The following UNC5D variants were observed in gnomAD, a reference collection of about 807,000 sequenced individuals.
UNC5D encodes netrin receptor UNC5D.
In UNC5D, 39 loss-of-function variants were observed where a neutral mutation model predicts 105.4. That is an observed-to-expected ratio of 0.37 (90% CI 0.29 to 0.48). The LOEUF is 0.48. Ranked by LOEUF, UNC5D falls within the 20% of genes least tolerant of loss-of-function variation. The pLI, the probability that UNC5D is intolerant of heterozygous loss-of-function variation, is 0.98. For synonymous variants in UNC5D, 452 were observed against 450.4 expected (o/e 1.00, Z -0.04); for missense variants, 991 against 1,202.4 (o/e 0.82, Z 2.60).
intron 1 of UNC5D, among the ~76,000 whole-genome samples, chr8:35,513,429 A>C (rs1343683062): frequency 6.6e-6 from 1 of 151,556 alleles, no homozygotes; most frequent in Non-Finnish European, 1.5e-5. Flanking sequence ...GGGTTTCATC[A>C]TGTTGGTCAG....
At chr8:35,561,377 T>C (rs542901249) in intron 2 of UNC5D, among the ~76,000 whole-genome samples, 1 of 152,298 alleles carries the variant, frequency 6.6e-6, no homozygotes, top group South Asian at 2.1e-4. Context: ...CCCCTACCAG[T>C]TCTGCCTCCT....
At chr8:35,413,292 T>TTGTGTG (rs1554525296) in intron 1 of UNC5D, among the ~76,000 whole-genome samples, 95 of 128,044 alleles carry the variant, frequency 7.4e-4, no homozygotes, top group African/African-American at 1.3e-3. Flanking sequence ...TGTGTGTGTG[T>TTGTGTG]TGTGTGTGTG....
intron 1 of UNC5D, among the ~76,000 whole-genome samples, chr8:35,333,919 A>G (rs1241989823): frequency 6.6e-6 from 1 of 152,224 alleles, no homozygotes; most frequent in African/African-American, 2.4e-5. Context: ...TTCAAATTTT[A>G]GAAACTTTGG....
At chr8:35,563,320 A>G (rs987728760) in intron 2 of UNC5D, among the ~76,000 whole-genome samples, 58 of 106,418 alleles carry the variant, frequency 5.5e-4, no homozygotes, top group Admixed American at 3.4e-3. Context: ...GAGATCTTCT[A>G]TGTCTTTGGT....
intron 1 of UNC5D, among the ~76,000 whole-genome samples, chr8:35,306,398 G>A (rs1375122797): frequency 6.6e-6 from 1 of 151,988 alleles, no homozygotes; most frequent in Non-Finnish European, 1.5e-5. Flanking sequence ...TTTTTAAAGG[G>A]AGAGATGCTT....
intron 2 of UNC5D, among the ~76,000 whole-genome samples, chr8:35,554,940 G>T (rs185481091): frequency 1.5e-4 from 23 of 152,174 alleles, no homozygotes; most frequent in Non-Finnish European, 3.2e-4. Flanking sequence ...TTAATGGATT[G>T]TGTCAAGAAA....
At chr8:35,738,483 G>A (rs946842396) in intron 11 of UNC5D, among the ~76,000 whole-genome samples, 2 of 152,200 alleles carry the variant, frequency 1.3e-5, no homozygotes, top group African/African-American at 2.4e-5. Flanking sequence ...TCCCAGTGAT[G>A]TAGAGTTCAT....
At chr8:35,490,159 T>C (rs1446558721) in intron 1 of UNC5D, among the ~76,000 whole-genome samples, 1 of 152,224 alleles carries the variant, frequency 6.6e-6, no homozygotes, top group Non-Finnish European at 1.5e-5. Context: ...TTTCCTCTCT[T>C]TTGGTAATCA....
intron 2 of UNC5D, among the ~76,000 whole-genome samples, chr8:35,560,085 T>A (rs1021145822): frequency 2.6e-5 from 4 of 152,266 alleles, no homozygotes; most frequent in Non-Finnish European, 5.9e-5. Flanking sequence ...TTGTATATTC[T>A]CTAAGACTCT....
chr8:35,272,194 A>G (rs563807133), intron 1 of UNC5D, among the ~76,000 whole-genome samples: 1 of 152,312 alleles, frequency 6.6e-6, no homozygotes, highest in South Asian at 2.1e-4. Flanking sequence ...CAAAACTGAA[A>G]AATGATGTTT....
chr8:35,559,659 A>T (rs1816816575), intron 2 of UNC5D, among the ~76,000 whole-genome samples: 1 of 152,242 alleles, frequency 6.6e-6, no homozygotes, highest in African/African-American at 2.4e-5. Flanking sequence ...AGAACAAGTT[A>T]GGATCCTAGA....
At chr8:35,565,630 C>A (rs1242444831) in intron 2 of UNC5D, among the ~76,000 whole-genome samples, 2 of 152,128 alleles carry the variant, frequency 1.3e-5, no homozygotes, top group African/African-American at 4.8e-5. Flanking sequence ...GGTTCTTAGT[C>A]ATAAATTCTT....
intron 1 of UNC5D, among the ~76,000 whole-genome samples, chr8:35,297,656 G>T (rs1032879294): frequency 4.6e-5 from 7 of 152,108 alleles, no homozygotes; most frequent in Non-Finnish European, 8.8e-5. Flanking sequence ...AACTATGTTA[G>T]AAGACTTGTT....
chr8:35,440,538 T>C (rs1368539294), intron 1 of UNC5D, among the ~76,000 whole-genome samples: 1 of 152,122 alleles, frequency 6.6e-6, no homozygotes, highest in Non-Finnish European at 1.5e-5. Context: ...CTGATGAATA[T>C]ATTTGGTCCA....
chr8:35,622,634 A>G (rs1254512595), intron 4 of UNC5D, among the ~76,000 whole-genome samples: 2 of 152,180 alleles, frequency 1.3e-5, no homozygotes, highest in African/African-American at 4.8e-5. Flanking sequence ...TTGGCACATT[A>G]AATGTTTGTT....
At chr8:35,713,422 A>G (rs1168173520) in intron 8 of UNC5D, among the ~76,000 whole-genome samples, 2 of 152,174 alleles carry the variant, frequency 1.3e-5, no homozygotes, top group Non-Finnish European at 2.9e-5. Flanking sequence ...TTCTGTTTCA[A>G]TTTTGTCTCC....
intron 1 of UNC5D, among the ~76,000 whole-genome samples, chr8:35,509,930 T>C (rs1226049211): frequency 6.6e-6 from 1 of 152,032 alleles, no homozygotes; most frequent in African/African-American, 2.4e-5. Flanking sequence ...GGTTTGCTGG[T>C]TATTATAAAG....
At chr8:35,449,676 C>G (rs745554000) in intron 1 of UNC5D, among the ~76,000 whole-genome samples, 4 of 152,084 alleles carry the variant, frequency 2.6e-5, no homozygotes, top group Non-Finnish European at 2.9e-5. Flanking sequence ...TATTCTTGCC[C>G]GTTTTATGTC....
chr8:35,656,838 C>T (rs960819120), intron 4 of UNC5D, among the ~76,000 whole-genome samples: 3 of 151,936 alleles, frequency 2.0e-5, no homozygotes, highest in African/African-American at 4.8e-5. Flanking sequence ...TTTATAAAAG[C>T]TTAAAATTCA....
Sources: allele counts gnomAD v4.1 joint callset (sites outside exome capture counted in the v4.1 genomes callset), GRCh38; gene constraint gnomAD v4.1.1; transcripts MANE v1.5; gene names NCBI Gene and HGNC (gene_info 2026-07-23, HGNC 2026-07-21).